The following PTPRS variants were observed in gnomAD, a reference collection of about 807,000 sequenced individuals.
PTPRS encodes receptor-type tyrosine-protein phosphatase S.
PTPRS carries 63 observed loss-of-function variants against 215.3 expected under a neutral mutation model. The ratio of observed to expected loss-of-function variants is 0.29; its 90% confidence interval spans 0.24 to 0.36. The LOEUF (loss-of-function observed/expected upper bound fraction) is 0.36, where lower values mean the gene tolerates loss of function less well. Ranked by LOEUF, PTPRS falls within the 10% of genes least tolerant of loss-of-function variation. The pLI, the probability that PTPRS is intolerant of heterozygous loss-of-function variation, is 1.00. For synonymous variants in PTPRS, 1,404 were observed against 1,191.4 expected, an observed-to-expected ratio of 1.18 and a Z score of -3.68; for missense variants, 2,258 against 2,825.8, an observed-to-expected ratio of 0.80 and a Z score of 4.56.
At chr19:5,277,063 T>TTG (rs1555794181) in intron 2 of PTPRS, among the ~76,000 whole-genome samples, 2 of 150,488 alleles carry the variant, frequency 1.3e-5, no homozygotes, top group Non-Finnish European at 3.0e-5. Flanking sequence ...TTGTGTTTTT[T>TTG]TTTTTTTTTT....
chr19:5,314,774 A>G (rs2049817947), intron 1 of PTPRS, among the ~76,000 whole-genome samples: 1 of 143,906 alleles, frequency 6.9e-6, no homozygotes, highest in Non-Finnish European at 1.5e-5. Flanking sequence ...GCCAGGGCAG[A>G]GAGCTGAAGA....
chr19:5,246,183 GA>G (rs891116851), intron 9 of PTPRS, 138 bp from the exon 10 acceptor site: 89 of 466,750 alleles, frequency 1.9e-4, no homozygotes, highest in Non-Finnish European at 2.8e-4. Flanking sequence ...AAGAAAAAAA[GA>G]AAAAAAAAGG....
intron 4 of PTPRS, among the ~76,000 whole-genome samples, chr19:5,272,637 A>AAAAAAAAAAAAT (rs2047018885): frequency 7.5e-6 from 1 of 133,880 alleles, no homozygotes; most frequent in Non-Finnish European, 1.6e-5. Context: ...AAAAAAAAAA[A>AAAAAAAAAAAAT]GAATTGCACC....
chr19:5,293,169 C>T lies in PTPRS; in HGVS notation c.-94-6935G>A, dbSNP rs1344630716. 6.6e-6 allele frequency: 1 copy of T among 151,656 alleles called. No homozygotes were observed. Among genetic ancestry groups the T allele is most frequent in the Admixed American group, 6.6e-5 (1 of 15,252 alleles). 9.4% of individuals were successfully genotyped at this position (151,656 alleles called of 1,614,324 possible). ...GCGGCTCGGAGATCGGGCCCAGGCC[C>T]CGCGAGGCCTCCACAGGGCCCGCCG... is the stretch of plus-strand genomic sequence containing the variant. On this transcript the variant is annotated intron_variant, in intron 1 of 37. Transcript: ENST00000262963. This position sits in a 1 kb window ranked among gnomAD's most constrained non-coding sequence, Gnocchi z 8.4.
chr19:5,215,465 G>A, intron 27 of PTPRS, 33 bp downstream of exon 27: 1 of 1,608,832 alleles, frequency 6.2e-7, no homozygotes, highest in African/African-American at 1.3e-5. Flanking sequence ...GTGAGGCCGA[G>A]GTGATGAGGG....
At chr19:5,223,418 T>A (rs1260444496) in intron 17 of PTPRS, 121 bp from the exon 18 acceptor site, 14 of 1,051,530 alleles carry the variant, frequency 1.3e-5, no homozygotes, top group Admixed American at 3.9e-5. Flanking sequence ...TTGGGGGGGG[T>A]CTTACTCTGT....
rs1162286115 is a variant in PTPRS, at chr19:5,237,992, T to C, written c.1849+927A>G. ...CACACCCAGGGCGGGCCTTGAAGGTTTGACCATCATGACTGATTCTGGAAG... is the reference window on the plus strand; with the variant it reads ...CACACCCAGGGCGGGCCTTGAAGGTCTGACCATCATGACTGATTCTGGAAG... On this transcript the variant is annotated intron_variant, in intron 13 of 37. Coordinates refer to ENST00000262963, the MANE Select transcript of PTPRS (RefSeq NM_002850.4). The surrounding 1 kb of genome is among the most constrained non-coding windows in gnomAD (Gnocchi z 4.2). Among the ~76,000 whole-genome samples the C allele has an allele frequency of 6.6e-6, 1 of 152,076 alleles. No individual in the cohort carries two copies. The highest frequency in any genetic ancestry group is 1.5e-5 in the Non-Finnish European group (1 of 68,016).
intron 1 of PTPRS, among the ~76,000 whole-genome samples, chr19:5,299,690 G>A (rs191250684): frequency 6.6e-5 from 10 of 152,114 alleles, no homozygotes; most frequent in African/African-American, 1.2e-4. Context: ...TGGCCAACAC[G>A]GTGAAACCCC....
rs1403550143 is a variant in PTPRS, at chr19:5,257,579, A to G, written c.706+438T>C. On this transcript the variant is annotated intron_variant, in intron 8 of 37. Coordinates refer to ENST00000262963, the MANE Select transcript of PTPRS (RefSeq NM_002850.4). The surrounding 1 kb of genome is among the most constrained non-coding windows in gnomAD (Gnocchi z 4.4). ...GTGAAGCGGGGAGCTACGAGGCCAC[A>G]AAGTTGGGAGAAGCAAAGCCAGCAC... is the stretch of plus-strand genomic sequence containing the variant. 3 of 421,892 alleles carry G rather than the reference A, an allele frequency of 7.1e-6. No individual in the cohort carries two copies. The highest frequency in any genetic ancestry group is 2.6e-5 in the Admixed American group (1 of 38,594). 26.1% of individuals were successfully genotyped at this position (421,892 alleles called of 1,614,324 possible).
At chr19:5,250,393 A>G (rs2044891614) in intron 9 of PTPRS, among the ~76,000 whole-genome samples, 1 of 152,074 alleles carries the variant, frequency 6.6e-6, no homozygotes, top group African/African-American at 2.4e-5. Flanking sequence ...CACCCATGTC[A>G]TCTTTCCACC....
chr19:5,239,559 T>A, intron 12 of PTPRS, among the ~76,000 whole-genome samples: 1 of 135,620 alleles, frequency 7.4e-6, no homozygotes, highest in African/African-American at 2.8e-5. Context: ...GATACAGAGA[T>A]AGACACACAG....
At chr19:5,211,242 C>T (rs1466566304) in intron 33 of PTPRS, among the ~76,000 whole-genome samples, 2 of 152,176 alleles carry the variant, frequency 1.3e-5, no homozygotes, top group Non-Finnish European at 2.9e-5. Context: ...CTGAGACAAG[C>T]TGTTCTGTGT....
intron 1 of PTPRS, among the ~76,000 whole-genome samples, chr19:5,321,839 G>A (rs2050031767): frequency 6.6e-6 from 1 of 151,806 alleles, no homozygotes. Context: ...TTACAAACAG[G>A]TAAACCGAGG....
intron 17 of PTPRS, among the ~76,000 whole-genome samples, chr19:5,224,153 C>G (rs572188832): frequency 1.4e-5 from 2 of 145,782 alleles, no homozygotes; most frequent in Non-Finnish European, 3.0e-5. Flanking sequence ...CACTCCAGCC[C>G]GGGCAACAGA....
chr19:5,209,842 A>G (rs1304292503), intron 35 of PTPRS, among the ~76,000 whole-genome samples: 1 of 152,144 alleles, frequency 6.6e-6, no homozygotes, highest in African/African-American at 2.4e-5. Flanking sequence ...CTGTTCATTC[A>G]GCAGCCTTCA....
intron 1 of PTPRS, among the ~76,000 whole-genome samples, chr19:5,304,516 G>A (rs1488561993): frequency 6.6e-6 from 1 of 152,010 alleles, no homozygotes; most frequent in East Asian, 1.9e-4. Flanking sequence ...AGGCATGGTG[G>A]TGCACGCCTG....
Position 5,237,641 on chromosome 19 carries a change from G to A in PTPRS, c.1849+1278C>T, listed in dbSNP as rs888338295. Among the ~76,000 whole-genome samples, 1 of 152,130 alleles carries A rather than the reference G, an allele frequency of 6.6e-6. No homozygotes were observed. Among genetic ancestry groups the A allele is most frequent in the South Asian group, 2.1e-4 (1 of 4,826 alleles). ...CCAGAGTGGCTGGGGCAGGCGGGGG[G>A]GCACGCGGGGTGGGCCGTTTTTGTG... is the stretch of plus-strand genomic sequence containing the variant. On this transcript the variant is annotated intron_variant, in intron 13 of 37. Coordinates refer to ENST00000262963, the MANE Select transcript of PTPRS (RefSeq NM_002850.4). This position sits in a 1 kb window ranked among gnomAD's most constrained non-coding sequence, Gnocchi z 4.2.
intron 2 of PTPRS, among the ~76,000 whole-genome samples, chr19:5,275,396 T>C (rs2047278206): frequency 6.6e-6 from 1 of 150,600 alleles, no homozygotes; most frequent in Admixed American, 6.7e-5. Flanking sequence ...TTCTTTTTTT[T>C]TTTCCTGAGA....
intron 6 of PTPRS, among the ~76,000 whole-genome samples, chr19:5,261,546 C>G (rs1256292168): frequency 6.6e-6 from 1 of 152,188 alleles, no homozygotes; most frequent in African/African-American, 2.4e-5. Context: ...TTTTGGGCCC[C>G]CTTCTCTCTG....
Sources: gnomAD v4.1 joint callset for allele counts (sites outside exome capture counted in the v4.1 genomes callset) on GRCh38, gnomAD v4.1.1 for gene constraint, Gnocchi (gnomAD v3.1) non-coding constraint, MANE v1.5 for transcripts, NCBI Gene and HGNC (gene_info 2026-07-23, HGNC 2026-07-21) for gene names.